The following MAP1B variants were observed in gnomAD, a reference collection of about 807,000 sequenced individuals.
MAP1B encodes microtubule associated protein 1B.
Under a neutral mutation model 176.1 loss-of-function variants are expected in MAP1B, and 12 were observed. The observed-to-expected ratio is 0.07, with a 90% CI of 0.04 to 0.11. MAP1B has a LOEUF of 0.11. Among genes scored for constraint, MAP1B ranks in the 10% least tolerant of loss-of-function variants. The pLI is 1.00. For missense variants in MAP1B, 2,523 were observed against 2,990.5 expected (o/e 0.84, Z 3.65); for synonymous variants, 1,044 against 1,135.0 (o/e 0.92, Z 1.61).
chr5:72,144,738 T>A (rs1746014726), intron 2 of MAP1B, among the ~76,000 whole-genome samples: 1 of 152,162 alleles, frequency 6.6e-6, no homozygotes, highest in Non-Finnish European at 1.5e-5. Context: ...ATAAAGAACT[T>A]CTGACACATG....
At chr5:72,158,133 C>T (rs1746262174) in intron 2 of MAP1B, among the ~76,000 whole-genome samples, 1 of 151,774 alleles carries the variant, frequency 6.6e-6, no homozygotes, top group Admixed American at 6.6e-5. Context: ...CTCAGCCTCC[C>T]GAGTAGCTGG....
At chr5:72,136,528 T>G (rs545931806) in intron 2 of MAP1B, among the ~76,000 whole-genome samples, 1 of 152,294 alleles carries the variant, frequency 6.6e-6, no homozygotes, top group South Asian at 2.1e-4. Flanking sequence ...TGGGATAATT[T>G]AAAACCTACC....
chr5:72,135,197 A>G (rs1231683489), intron 2 of MAP1B, among the ~76,000 whole-genome samples: 1 of 151,958 alleles, frequency 6.6e-6, no homozygotes, highest in African/African-American at 2.4e-5. Context: ...GGGCTATGTA[A>G]CTGTAGGCAG....
chr5:72,138,751 G>A (rs148884752), intron 2 of MAP1B, among the ~76,000 whole-genome samples: 1 of 152,214 alleles, frequency 6.6e-6, no homozygotes, highest in East Asian at 1.9e-4. Context: ...CAAGGGAAGG[G>A]TTCATGAAGG....
chr5:72,150,585 T>G (rs1746122649), intron 2 of MAP1B, among the ~76,000 whole-genome samples: 1 of 152,232 alleles, frequency 6.6e-6, no homozygotes, highest in African/African-American at 2.4e-5. Flanking sequence ...GTTGTACAGA[T>G]TATTTCATCA....
chr5:72,107,817 C>CGAGATCTA, intron 1 of MAP1B, 102 bp downstream of exon 1: 2 of 1,177,412 alleles, frequency 1.7e-6, no homozygotes, highest in South Asian at 1.3e-5. Context: ...CGCCCCGCAC[C>CGAGATCTA]CATGCCTCTC....
chr5:72,204,980 A>T lies in MAP1B; in HGVS notation c.7252-104A>T. On this transcript the variant is annotated intron_variant, in intron 6 of 6. Coordinates refer to ENST00000296755, the MANE Select transcript of MAP1B (RefSeq NM_005909.5). The surrounding 1 kb of genome is among the most constrained non-coding windows in gnomAD (Gnocchi z 4.4). Reference sequence around the variant, plus strand: ...GAGGAAAATAGAAAAGTTTTCTCTCATTTCCCTTCTTCTTCCAGTGGTCTA... The same window carrying T: ...GAGGAAAATAGAAAAGTTTTCTCTCTTTTCCCTTCTTCTTCCAGTGGTCTA... The T allele has an allele frequency of 1.3e-6, 1 of 757,388 alleles. No homozygotes were observed. The highest frequency in any genetic ancestry group is 2.0e-6 in the Non-Finnish European group (1 of 495,184). The allele number at this position is 757,388 out of a possible 1,614,324, so 46.9% of individuals were successfully genotyped here.
intron 2 of MAP1B, among the ~76,000 whole-genome samples, chr5:72,127,042 A>C (rs1030634262): frequency 2.0e-5 from 3 of 152,224 alleles, no homozygotes; most frequent in African/African-American, 7.2e-5. Flanking sequence ...TGTTGCATTG[A>C]GCTTCAGGTT....
At position 72,196,035 on chromosome 5, in the gene MAP1B, G is replaced by A. The variant is rs1385783640; in HGVS notation, c.2680G>A (p.Glu894Lys). The part of the protein sequence containing the change: ...VTKGPAESPD[E>K]GITTTEGEGE... ...CAAAGGTCCTGCCGAGTCCCCTGAT[G>A]AGGGAATCACTACCACTGAAGGGGA... Residue 894 changes from glutamate to lysine, a missense_variant, in exon 5 of 7, where the codon GAG (glutamate) becomes AAG (lysine). Physicochemically the swap from Glu to Lys is moderately conservative, Grantham distance 56. This residue lies in a region of MAP1B where 1,925 missense variants were observed against 2,126.0 expected (regional missense o/e 0.91). Coordinates refer to ENST00000296755, the MANE Select transcript of MAP1B (RefSeq NM_005909.5). The surrounding 1 kb of genome is among the most constrained non-coding windows in gnomAD (Gnocchi z 5.3). 6.2e-7 allele frequency: 1 copy of A among 1,614,232 alleles called. No homozygotes were observed. The highest frequency in any genetic ancestry group is 2.2e-5 in the East Asian group (1 of 44,890).
chr5:72,109,681 G>C (rs1397331566), intron 1 of MAP1B, among the ~76,000 whole-genome samples: 1 of 152,208 alleles, frequency 6.6e-6, no homozygotes, highest in Non-Finnish European at 1.5e-5. Flanking sequence ...GCACTCATAA[G>C]TGACAGAAGT....
At chr5:72,153,714 G>C (rs994227414) in intron 2 of MAP1B, among the ~76,000 whole-genome samples, 1 of 152,076 alleles carries the variant, frequency 6.6e-6, no homozygotes, top group African/African-American at 2.4e-5. Context: ...CCTTCTGTTA[G>C]TCTTCAATCA....
intron 2 of MAP1B, among the ~76,000 whole-genome samples, chr5:72,127,189 A>G (rs918146982): frequency 1.3e-5 from 2 of 152,246 alleles, no homozygotes; most frequent in African/African-American, 4.8e-5. Context: ...CCTGAATTTT[A>G]ATAAGCATGG....
intron 2 of MAP1B, among the ~76,000 whole-genome samples, chr5:72,150,756 G>A (rs990094152): frequency 6.6e-6 from 1 of 152,132 alleles, no homozygotes; most frequent in African/African-American, 2.4e-5. Context: ...TACAGTATTT[G>A]GTGTTCTGTT....
chr5:72,170,654 G>A (rs1042253615), intron 2 of MAP1B, among the ~76,000 whole-genome samples: 1 of 151,992 alleles, frequency 6.6e-6, no homozygotes, highest in Admixed American at 6.6e-5. Context: ...ACCTTGTTGC[G>A]TGGTCCTCTT....
chr5:72,151,992 GTGCTACT>G (rs1455362378), intron 2 of MAP1B, among the ~76,000 whole-genome samples: 5 of 152,104 alleles, frequency 3.3e-5, no homozygotes, highest in Non-Finnish European at 7.4e-5. Flanking sequence ...TTACATAACC[GTGCTACT>G]TTTTATCAAA....
intron 2 of MAP1B, among the ~76,000 whole-genome samples, chr5:72,120,393 A>G (rs1745505621): frequency 6.6e-6 from 1 of 151,394 alleles, no homozygotes; most frequent in African/African-American, 2.4e-5. Context: ...GTTTGTAAAC[A>G]AGGATGATCA....
intron 2 of MAP1B, among the ~76,000 whole-genome samples, chr5:72,122,104 A>C (rs1745540302): frequency 6.6e-6 from 1 of 152,178 alleles, no homozygotes; most frequent in Non-Finnish European, 1.5e-5. Flanking sequence ...AGAGCATTAT[A>C]TTCGTTAAGG....
At chr5:72,134,883 G>A (rs1745808178) in intron 2 of MAP1B, among the ~76,000 whole-genome samples, 1 of 147,924 alleles carries the variant, frequency 6.8e-6, no homozygotes, top group South Asian at 2.3e-4. Context: ...GCTTTTTCGT[G>A]ATGGCATTGA....
At chr5:72,156,886 C>G (rs1367696537) in intron 2 of MAP1B, among the ~76,000 whole-genome samples, 2 of 152,188 alleles carry the variant, frequency 1.3e-5, no homozygotes, top group Non-Finnish European at 2.9e-5. Context: ...AACTCACTCC[C>G]CATTCCCCAC....
Sources: allele counts gnomAD v4.1 joint callset (sites outside exome capture counted in the v4.1 genomes callset), GRCh38; gene constraint gnomAD v4.1.1; regional missense constraint gnomAD v4.1.1; non-coding constraint Gnocchi (gnomAD v3.1); transcripts MANE v1.5; gene names NCBI Gene and HGNC (gene_info 2026-07-23, HGNC 2026-07-21).